The following ACACA variants were observed in gnomAD, a reference collection of about 807,000 sequenced individuals.
ACACA encodes acetyl-CoA carboxylase 1.
A neutral mutation model predicts 296.1 loss-of-function variants in ACACA; 103 were observed. That is an observed-to-expected ratio of 0.35 (90% confidence interval 0.30 to 0.41). The LOEUF (loss-of-function observed/expected upper bound fraction) is 0.41, where lower values mean the gene tolerates loss of function less well. Ranked by LOEUF, ACACA falls within the 10% of genes least tolerant of loss-of-function variation. The pLI is 1.00. For missense variants in ACACA, 1,554 were observed against 2,989.7 expected, an observed-to-expected ratio of 0.52 and a Z score of 11.20; for synonymous variants, 953 against 1,038.6, an observed-to-expected ratio of 0.92 and a Z score of 1.58.
intron 1 of ACACA, among the ~76,000 whole-genome samples, chr17:37,383,204 G>A (rs2050380747): frequency 1.3e-5 from 2 of 152,152 alleles, no homozygotes; most frequent in African/African-American, 4.8e-5. Flanking sequence ...GAGCACTCTG[G>A]GTGGAGTGAA....
In ACACA at chr17:37,121,398, C is replaced by G; in HGVS notation, c.6231G>C (p.Leu2077=). Residue 2077 remains leucine (L), a synonymous_variant, in exon 50 of 56, where the codon CTG becomes CTC. Coordinates refer to ENST00000616317, the MANE Select transcript of ACACA (RefSeq NM_198834.3). ...AGCCTCTCCAGTTGGCAAAGACCAT[C>G]AGAGGCAGCCCTTCCCGGTTGAAGT... ...IKDFNREGLP[L]MVFANWRGFS... is the part of the protein sequence containing the mutation. 1 of 1,614,170 alleles carries G rather than the reference C, an allele frequency of 6.2e-7. No homozygotes were observed. Among genetic ancestry groups the G allele is most frequent in the Non-Finnish European group, 8.5e-7 (1 of 1,180,026 alleles).
At chr17:37,285,050 C>T in intron 3 of ACACA, 80 bp from the exon 4 acceptor site, 1 of 1,527,366 alleles carries the variant, frequency 6.5e-7, no homozygotes, top group Non-Finnish European at 9.1e-7. Context: ...CATAACAGTA[C>T]TTTCACAACT....
At chr17:37,287,782 G>A (rs2082855795) in intron 3 of ACACA, among the ~76,000 whole-genome samples, 1 of 151,330 alleles carries the variant, frequency 6.6e-6, no homozygotes, top group Non-Finnish European at 1.5e-5. Flanking sequence ...AGAAGGGACA[G>A]TTCAGAGTCT....
intron 1 of ACACA, among the ~76,000 whole-genome samples, chr17:37,359,718 G>T (rs1351396773): frequency 6.6e-6 from 1 of 152,156 alleles, no homozygotes; most frequent in Non-Finnish European, 1.5e-5. Flanking sequence ...TTAACAAGGG[G>T]TGGGCAATCG....
intron 1 of ACACA, among the ~76,000 whole-genome samples, chr17:37,366,625 C>A (rs754552280): frequency 1.3e-5 from 2 of 151,910 alleles, no homozygotes; most frequent in African/African-American, 4.8e-5. Flanking sequence ...CCTGCCACCA[C>A]GCCTGGCTAA....
intron 42 of ACACA, among the ~76,000 whole-genome samples, chr17:37,160,448 G>A (rs2076414402): frequency 6.6e-6 from 1 of 152,216 alleles, no homozygotes; most frequent in Admixed American, 6.5e-5. Flanking sequence ...AAATTGGGAA[G>A]CAAGGTCTGA....
intron 35 of ACACA, among the ~76,000 whole-genome samples, chr17:37,194,308 C>A (rs1260068328): frequency 6.6e-6 from 1 of 152,094 alleles, no homozygotes; most frequent in Non-Finnish European, 1.5e-5. Flanking sequence ...CCTACACATC[C>A]TCAATGAGCT....
intron 1 of ACACA, among the ~76,000 whole-genome samples, chr17:37,402,599 G>A (rs1371194041): frequency 6.6e-6 from 1 of 152,148 alleles, no homozygotes; most frequent in African/African-American, 2.4e-5. Context: ...CACCCTACTT[G>A]TAAGTCACAT....
intron 8 of ACACA, 52 bp from the exon 9 acceptor site, chr17:37,274,351 C>T (rs775457035): frequency 1.4e-6 from 2 of 1,468,548 alleles, no homozygotes; most frequent in Non-Finnish European, 1.9e-6. Flanking sequence ...CTGCTCTTGT[C>T]AATTTTCTGC....
At chr17:37,096,075 T>C (rs2072971307) in intron 54 of ACACA, among the ~76,000 whole-genome samples, 3 of 152,200 alleles carry the variant, frequency 2.0e-5, no homozygotes, top group Non-Finnish European at 2.9e-5. Flanking sequence ...CCATCTCTGA[T>C]TGGAAGTAGG....
chr17:37,235,339 C>T (rs528015881), intron 24 of ACACA, among the ~76,000 whole-genome samples: 21 of 152,188 alleles, frequency 1.4e-4, no homozygotes, highest in Non-Finnish European at 2.9e-4. Flanking sequence ...TAGCAATTTA[C>T]TGTGTGCTCC....
chr17:37,187,599 A>G (rs962384372), intron 39 of ACACA, among the ~76,000 whole-genome samples: 2 of 152,266 alleles, frequency 1.3e-5, no homozygotes, highest in Non-Finnish European at 2.9e-5. Flanking sequence ...TCTGTTTCAC[A>G]GAATTAGTGT....
chr17:37,107,071 T>C (rs1222743148), intron 52 of ACACA, among the ~76,000 whole-genome samples: 1 of 152,206 alleles, frequency 6.6e-6, no homozygotes, highest in Non-Finnish European at 1.5e-5. Flanking sequence ...ACCTTCGTGA[T>C]AGAAAGCCTC....
At chr17:37,402,581 A>AT (rs2051327550) in intron 1 of ACACA, among the ~76,000 whole-genome samples, 1 of 152,206 alleles carries the variant, frequency 6.6e-6, no homozygotes, top group African/African-American at 2.4e-5. Flanking sequence ...CAAATCAGAA[A>AT]TTATGGTCAC....
chr17:37,127,451 C>A (rs1265038814), intron 47 of ACACA, among the ~76,000 whole-genome samples: 1 of 152,136 alleles, frequency 6.6e-6, no homozygotes, highest in Non-Finnish European at 1.5e-5. Context: ...CGATGCAGAA[C>A]CTTAGAAGCC....
intron 38 of ACACA, among the ~76,000 whole-genome samples, chr17:37,190,635 G>A (rs991563839): frequency 3.3e-5 from 5 of 152,128 alleles, no homozygotes; most frequent in African/African-American, 1.2e-4. Context: ...TTCTCTCCCT[G>A]TGGAAAAACA....
chr17:37,406,149 G>T, intron 1 of ACACA, 113 bp downstream of exon 1: 1 of 1,230,594 alleles, frequency 8.1e-7, no homozygotes. Flanking sequence ...AGTTTTAAAT[G>T]AGACCGTATG....
chr17:37,314,300 C>T lies in ACACA; in HGVS notation c.338+15873G>A, dbSNP rs560516217. Among the ~76,000 whole-genome samples, 20 of 151,788 alleles carry T rather than the reference C, an allele frequency of 1.3e-4. No homozygotes were observed. In the East Asian group the frequency reaches 1.8e-3, roughly 13 times the overall value. The stretch of plus-strand genomic sequence containing the variant: ...ATTTTTAGTAGAGATGAGGTTTCAC[C>T]GTGTTAGCCAGGATGGTCTCGATCT... On this transcript the variant is annotated intron_variant, in intron 3 of 55. Transcript: ENST00000616317.
chr17:37,329,522 T>A (rs1239359839), intron 3 of ACACA, among the ~76,000 whole-genome samples: 1 of 151,578 alleles, frequency 6.6e-6, no homozygotes, highest in African/African-American at 2.4e-5. Context: ...GCACTTGTAG[T>A]CCCAGCTATT....
Sources: gnomAD v4.1 joint callset for allele counts (sites outside exome capture counted in the v4.1 genomes callset) on GRCh38, gnomAD v4.1.1 for gene constraint, MANE v1.5 for transcripts, NCBI Gene and HGNC (gene_info 2026-07-23, HGNC 2026-07-21) for gene names.